Variants in ACSM6 observed in about 807,000 individuals in gnomAD.
ACSM6 encodes acyl-coenzyme A synthetase ACSM6, mitochondrial.
ACSM6 carries 35 observed loss-of-function variants against 51.1 expected under a neutral mutation model. The observed-to-expected ratio is 0.69, with a 90% CI of 0.52 to 0.91. The LOEUF (loss-of-function observed/expected upper bound fraction) is 0.91, where lower values mean the gene tolerates loss of function less well. Among genes scored for constraint, ACSM6 ranks in the 40% least tolerant of loss-of-function variants. The pLI, the probability that ACSM6 is intolerant of heterozygous loss-of-function variation, is 0.00. For missense variants in ACSM6, 509 were observed against 584.1 expected (o/e 0.87, Z 1.32); for synonymous variants, 172 against 207.3 (o/e 0.83, Z 1.46).
intron 3 of ACSM6, among the ~76,000 whole-genome samples, chr10:95,203,627 G>A (rs1018212476): frequency 2.6e-5 from 4 of 152,126 alleles, no homozygotes; most frequent in African/African-American, 9.6e-5. Flanking sequence ...CCTCAATCAA[G>A]AGCCCCTTCA....
intron 2 of ACSM6, among the ~76,000 whole-genome samples, chr10:95,196,316 G>A (rs1037284087): frequency 3.3e-5 from 5 of 152,184 alleles, no homozygotes; most frequent in African/African-American, 1.2e-4. Context: ...TCAGAGGGCT[G>A]CAGCTGTGAG....
chr10:95,218,644 G>C (rs2034966816), intron 8 of ACSM6, among the ~76,000 whole-genome samples: 1 of 152,130 alleles, frequency 6.6e-6, no homozygotes, highest in Non-Finnish European at 1.5e-5. Flanking sequence ...AAAATTCTTG[G>C]AACAGACTCT....
At chr10:95,218,966 CTA>C (rs2034969259) in intron 8 of ACSM6, among the ~76,000 whole-genome samples, 1 of 152,186 alleles carries the variant, frequency 6.6e-6, no homozygotes, top group Non-Finnish European at 1.5e-5. Flanking sequence ...GGAAAAATAA[CTA>C]TGTAGAAGAC....
intron 7 of ACSM6, 147 bp from the exon 8 acceptor site, chr10:95,214,705 A>G (rs2034926346): frequency 1.2e-6 from 1 of 817,268 alleles, no homozygotes; most frequent in East Asian, 2.8e-5. Context: ...ATTATCTAAT[A>G]GAGTAGTATT....
In ACSM6 at chr10:95,225,398, A is replaced by G. The variant is rs753840952; in HGVS notation, c.1302+7A>G. 3 of 1,510,102 alleles carry G rather than the reference A, an allele frequency of 2.0e-6. No individual in the cohort carries two copies. In the East Asian group the frequency reaches 7.6e-5, roughly 38 times the overall value. The allele number at this position is 1,510,102 out of a possible 1,614,324, so 93.5% of individuals were successfully genotyped here. ...TCTGTACTGTCCACACATGGTAAGAAAATTTTCTTCTTTCCTAAATACTTT... is the reference window on the plus strand; with the variant it reads ...TCTGTACTGTCCACACATGGTAAGAGAATTTTCTTCTTTCCTAAATACTTT... On this transcript the variant is annotated splice_region_variant and intron_variant, in intron 10 of 10. Transcript: ENST00000341686.
At chr10:95,228,692 A>G in exon 11 of ACSM6, 1 of 1,551,882 alleles carries the variant, frequency 6.4e-7, no homozygotes, top group Non-Finnish European at 8.7e-7. Flanking sequence ...GCTTTACCTC[A>G]CAGGTGACAG....
chr10:95,225,053 A>C (rs560628207), intron 9 of ACSM6, among the ~76,000 whole-genome samples: 68 of 152,344 alleles, frequency 4.5e-4, no homozygotes, highest in African/African-American at 1.6e-3. Flanking sequence ...CAAGAATCTC[A>C]GAGTCAGAAG....
At chr10:95,227,061 A>T (rs1589499891) in intron 10 of ACSM6, among the ~76,000 whole-genome samples, 1 of 151,012 alleles carries the variant, frequency 6.6e-6, no homozygotes, top group Middle Eastern at 3.4e-3. Flanking sequence ...ATCTTGGCTC[A>T]CTGCAACCTC....
intron 3 of ACSM6, among the ~76,000 whole-genome samples, chr10:95,206,680 T>A (rs749504595): frequency 2.0e-5 from 3 of 152,196 alleles, no homozygotes; most frequent in Non-Finnish European, 4.4e-5. Context: ...CAGAAGAGCC[T>A]CTGGCACACA....
intron 4 of ACSM6, among the ~76,000 whole-genome samples, chr10:95,209,483 G>A (rs2034873974): frequency 1.3e-5 from 2 of 152,156 alleles, no homozygotes; most frequent in African/African-American, 4.8e-5. Context: ...TGGGAGACAA[G>A]AGAGATAGTA....
intron 3 of ACSM6, among the ~76,000 whole-genome samples, chr10:95,204,718 A>G (rs1255599627): frequency 6.6e-6 from 1 of 152,214 alleles, no homozygotes; most frequent in Non-Finnish European, 1.5e-5. Flanking sequence ...ACCATTAAAA[A>G]TTGAAATGTT....
chr10:95,223,714 C>A (rs1200314908), intron 9 of ACSM6, among the ~76,000 whole-genome samples: 1 of 152,050 alleles, frequency 6.6e-6, no homozygotes, highest in Non-Finnish European at 1.5e-5. Context: ...CCCCATAGCT[C>A]ACATCAGACT....
intron 2 of ACSM6, among the ~76,000 whole-genome samples, chr10:95,198,232 A>T (rs533256971): frequency 6.7e-6 from 1 of 148,520 alleles, no homozygotes; most frequent in Non-Finnish European, 1.5e-5. Flanking sequence ...ATATCACCCT[A>T]AAAAAAAAAC....
At chr10:95,197,334 A>T (rs1365116824) in intron 2 of ACSM6, among the ~76,000 whole-genome samples, 2 of 152,174 alleles carry the variant, frequency 1.3e-5, no homozygotes, top group African/African-American at 4.8e-5. Context: ...CATACCAAGG[A>T]CCTGCACCGG....
rs534634664 is a variant in ACSM6, at chr10:95,210,536, A to T, written c.612-114A>T. Reference sequence around the variant, plus strand: ...CCTCTAACAAATAATCCTCAAATATATCAAGATACCAGCTGTTATTTTTTA... The same window carrying T: ...CCTCTAACAAATAATCCTCAAATATTTCAAGATACCAGCTGTTATTTTTTA... On this transcript the variant is annotated intron_variant, in intron 4 of 10. Coordinates refer to ENST00000341686, the Ensembl canonical transcript of ACSM6. 31 of 1,146,348 alleles carry T rather than the reference A, an allele frequency of 2.7e-5. No homozygotes were observed. The African/African-American group carries it at 4.2e-4, about 16-fold the overall frequency. 71.0% of individuals were successfully genotyped at this position (1,146,348 alleles called of 1,614,324 possible). A position where few individuals can be genotyped will look rare whatever the true frequency, so the allele number is the denominator to read the frequency against.
chr10:95,220,730 G>C lies in ACSM6; in HGVS notation c.1200+759G>C, dbSNP rs556910512. On this transcript the variant is annotated intron_variant, in intron 9 of 10. Coordinates refer to ENST00000341686, the Ensembl canonical transcript of ACSM6. Reference sequence around the variant, plus strand: ...GAGTTCTATTTTTTGTTTTTTGTTTGCCTATCCAGTTTCACTACATATTAT... The same window carrying C: ...GAGTTCTATTTTTTGTTTTTTGTTTCCCTATCCAGTTTCACTACATATTAT... 2.0e-5 allele frequency among the ~76,000 whole-genome samples: 3 copies of C among 152,080 alleles called. No individual in the cohort carries two copies. In the South Asian group the frequency reaches 6.2e-4, roughly 32 times the overall value.
At chr10:95,197,457 T>C (rs568439286) in intron 2 of ACSM6, among the ~76,000 whole-genome samples, 22 of 152,216 alleles carry the variant, frequency 1.4e-4, no homozygotes, top group East Asian at 3.9e-4. Context: ...GCAACAAACA[T>C]GTGAGCAATA....
chr10:95,201,679 G>C (rs186135663), intron 2 of ACSM6: 18 of 522,396 alleles, frequency 3.4e-5, no homozygotes, highest in Admixed American at 9.3e-5. Flanking sequence ...ACACCCAGTA[G>C]TGGGATTTAT....
In ACSM6 at chr10:95,224,467, G is replaced by A. The variant is rs138933125; in HGVS notation, c.1201-823G>A. 3.6e-3 allele frequency among the ~76,000 whole-genome samples: 546 copies of A among 152,258 alleles called. 5 individuals carry two copies. The highest frequency in any genetic ancestry group is 0.012 in the African/African-American group (496 of 41,550). On this transcript the variant is annotated intron_variant, in intron 9 of 10. Coordinates refer to ENST00000341686, the Ensembl canonical transcript of ACSM6. Reference sequence around the variant, plus strand: ...GTTTTGCTCTTGTTGCCCAGGCTGGGGTGCAATGGCATGATCTTGGCCTCC... The same window carrying A: ...GTTTTGCTCTTGTTGCCCAGGCTGGAGTGCAATGGCATGATCTTGGCCTCC...
Sources: gnomAD v4.1 joint callset for allele counts (sites outside exome capture counted in the v4.1 genomes callset) on GRCh38, gnomAD v4.1.1 for gene constraint, MANE v1.5 for transcripts, NCBI Gene and HGNC (gene_info 2026-07-23, HGNC 2026-07-21) for gene names.